MITF: variants seen among roughly 807,000 people sequenced by gnomAD.
The protein encoded by MITF is microphthalmia-associated transcription factor.
In MITF, 17 loss-of-function variants were observed where a neutral mutation model predicts 60.5. That is an observed-to-expected ratio of 0.28 (90% CI 0.19 to 0.42). MITF has a LOEUF of 0.42. MITF is among the 10% of genes least tolerant of loss of function. The pLI, the probability that MITF is intolerant of heterozygous loss-of-function variation, is 1.00. For missense variants in MITF, 622 were observed against 683.5 expected (o/e 0.91, Z 1.00); for synonymous variants, 260 against 248.5 (o/e 1.05, Z -0.43).
chr3:69,821,719 A>G (rs1310815562), intron 1 of MITF, among the ~76,000 whole-genome samples: 3 of 150,568 alleles, frequency 2.0e-5, no homozygotes, highest in African/African-American at 4.9e-5. Flanking sequence ...AAAAGTTCAA[A>G]CGGGATTTTC....
Position 69,785,035 on chromosome 3 carries a change from A to ATT in MITF, c.104+45349_104+45350dup, listed in dbSNP as rs35217879. The stretch of plus-strand genomic sequence containing the variant: ...ATCTTTGTCAAAGTGCTGCAGTTGG[A>ATT]TTTTTTTTTTTTTTTTAAATAGCAC... On this transcript the variant is annotated intron_variant, in intron 1 of 9. Transcript: ENST00000352241. Among the ~76,000 whole-genome samples, 62 of 139,614 alleles carry ATT rather than the reference A, an allele frequency of 4.4e-4. 1 individual carries two copies. The highest frequency in any genetic ancestry group is 7.6e-3 in the Middle Eastern group (2 of 264). The allele number at this position is 139,614 out of a possible 152,430, so 91.6% of individuals were successfully genotyped here.
intron 1 of MITF, among the ~76,000 whole-genome samples, chr3:69,781,982 A>T (rs2062572744): frequency 6.6e-6 from 1 of 152,080 alleles, no homozygotes; most frequent in South Asian, 2.1e-4. Context: ...ACAGACACTA[A>T]CACAGTTCAT....
chr3:69,902,136 C>G (rs983888271), intron 2 of MITF, among the ~76,000 whole-genome samples: 3 of 152,118 alleles, frequency 2.0e-5, no homozygotes, highest in Non-Finnish European at 2.9e-5. Context: ...CATGAGTTGA[C>G]TTGAGACTTT....
chr3:69,829,672 G>GCACACACACA (rs34482357), intron 1 of MITF, among the ~76,000 whole-genome samples: 38 of 150,604 alleles, frequency 2.5e-4, no homozygotes, highest in Non-Finnish European at 1.3e-4. Flanking sequence ...AGGTGTGGAT[G>GCACACACACA]CACACACACA....
chr3:69,900,842 T>C (rs1007966708), intron 2 of MITF, among the ~76,000 whole-genome samples: 2 of 152,180 alleles, frequency 1.3e-5, no homozygotes, highest in African/African-American at 4.8e-5. Context: ...TTTAGAGATA[T>C]TATGTACTTT....
chr3:69,787,331 A>T (rs1479051021), intron 1 of MITF, among the ~76,000 whole-genome samples: 2 of 152,308 alleles, frequency 1.3e-5, no homozygotes, highest in South Asian at 4.1e-4. Flanking sequence ...ATGGATGCAG[A>T]TTTAAATAGT....
At chr3:69,881,613 CATT>C (rs1161059372) in intron 2 of MITF, among the ~76,000 whole-genome samples, 4 of 151,024 alleles carry the variant, frequency 2.6e-5, no homozygotes, top group Non-Finnish European at 5.9e-5. Context: ...TATTATGAAA[CATT>C]ATAGAAAGAT....
At chr3:69,921,615 A>G (rs1338747928) in intron 2 of MITF, among the ~76,000 whole-genome samples, 2 of 152,156 alleles carry the variant, frequency 1.3e-5, no homozygotes, top group Non-Finnish European at 2.9e-5. Flanking sequence ...GCACCCTCCA[A>G]TTAGCTAGAA....
chr3:69,878,353 G>T (rs2064401722), intron 1 of MITF, among the ~76,000 whole-genome samples: 1 of 152,146 alleles, frequency 6.6e-6, no homozygotes, highest in Non-Finnish European at 1.5e-5. Flanking sequence ...TAGGGTTTCA[G>T]AATTTTAAAC....
At chr3:69,857,513 G>A (rs1333831416) in intron 1 of MITF, among the ~76,000 whole-genome samples, 4 of 151,360 alleles carry the variant, frequency 2.6e-5, no homozygotes, top group South Asian at 4.2e-4. Flanking sequence ...AGGCAGAGAC[G>A]TGATCTCATG....
chr3:69,884,603 C>T (rs1326513061), intron 2 of MITF, among the ~76,000 whole-genome samples: 1 of 152,060 alleles, frequency 6.6e-6, no homozygotes, highest in Admixed American at 6.6e-5. Flanking sequence ...TTTATGAACA[C>T]TTGGGGGTGA....
chr3:69,928,509 A>G (rs145771279), intron 2 of MITF, among the ~76,000 whole-genome samples: 1 of 152,312 alleles, frequency 6.6e-6, no homozygotes, highest in East Asian at 1.9e-4. Context: ...CAGTGTCAGA[A>G]TAAAGAGTGA....
intron 2 of MITF, among the ~76,000 whole-genome samples, chr3:69,914,581 C>A (rs1351279446): frequency 6.6e-6 from 1 of 152,210 alleles, no homozygotes; most frequent in Non-Finnish European, 1.5e-5. Flanking sequence ...TGGGATACTT[C>A]ATCTACTTGT....
chr3:69,783,281 G>T (rs1367883963), intron 1 of MITF, among the ~76,000 whole-genome samples: 1 of 152,078 alleles, frequency 6.6e-6, no homozygotes, highest in South Asian at 2.1e-4. Flanking sequence ...GATGCTCCTT[G>T]TCTCTCTTGC....
At chr3:69,841,265 A>G (rs2063631399) in intron 1 of MITF, among the ~76,000 whole-genome samples, 1 of 152,252 alleles carries the variant, frequency 6.6e-6, no homozygotes. Context: ...ATTGGAAGAA[A>G]GAAGAGGGAA....
intron 1 of MITF, among the ~76,000 whole-genome samples, chr3:69,823,848 G>A (rs374116872): frequency 1.4e-4 from 21 of 152,270 alleles, no homozygotes; most frequent in African/African-American, 5.1e-4. Flanking sequence ...CTGAGTGGTA[G>A]CCTATGATTT....
chr3:69,775,972 G>T (rs373725322), intron 1 of MITF, among the ~76,000 whole-genome samples: 1 of 152,132 alleles, frequency 6.6e-6, no homozygotes, highest in East Asian at 1.9e-4. Context: ...TGTGCATTGC[G>T]GTTACATTGG....
At chr3:69,892,886 T>G (rs1437431633) in intron 2 of MITF, among the ~76,000 whole-genome samples, 1 of 152,230 alleles carries the variant, frequency 6.6e-6, no homozygotes, top group Non-Finnish European at 1.5e-5. Context: ...TCTTCCTTTC[T>G]CCTTTCTTTT....
At chr3:69,754,399 A>G (rs1162556393) in intron 1 of MITF, among the ~76,000 whole-genome samples, 1 of 151,950 alleles carries the variant, frequency 6.6e-6, no homozygotes, top group Non-Finnish European at 1.5e-5. Context: ...CTGGTCTTGA[A>G]ATCTGTCCCC....
Sources: allele counts gnomAD v4.1 joint callset (sites outside exome capture counted in the v4.1 genomes callset), GRCh38; gene constraint gnomAD v4.1.1; transcripts MANE v1.5; gene names NCBI Gene and HGNC (gene_info 2026-07-23, HGNC 2026-07-21).